The following OSBP2 variants were observed in gnomAD, a reference collection of about 807,000 sequenced individuals.
OSBP2 encodes the protein oxysterol binding protein 2.
In OSBP2, 66 loss-of-function variants were observed where a neutral mutation model predicts 96.0. That is an observed-to-expected ratio of 0.69 (90% confidence interval 0.56 to 0.84). The LOEUF (loss-of-function observed/expected upper bound fraction) is 0.84. Among genes scored for constraint, OSBP2 ranks in the 40% least tolerant of loss-of-function variants. The pLI is 0.00. For synonymous variants in OSBP2, 525 were observed against 520.9 expected (o/e 1.01, Z -0.11); for missense variants, 1,038 against 1,222.7 (o/e 0.85, Z 2.25).
At chr22:30,869,367 C>G (rs2039412743) in intron 2 of OSBP2, among the ~76,000 whole-genome samples, 1 of 152,250 alleles carries the variant, frequency 6.6e-6, no homozygotes, top group African/African-American at 2.4e-5. Context: ...AGTCCCTACC[C>G]TGCAAGGCCA....
chr22:30,901,802 T>A (rs1293900368), intron 12 of OSBP2, among the ~76,000 whole-genome samples: 4 of 151,966 alleles, frequency 2.6e-5, no homozygotes, highest in Non-Finnish European at 4.4e-5. Flanking sequence ...GAAGTGGAGG[T>A]TGCAGTGTCC....
intron 2 of OSBP2, among the ~76,000 whole-genome samples, chr22:30,843,074 G>T (rs561992907): frequency 6.6e-6 from 1 of 152,020 alleles, no homozygotes; most frequent in Non-Finnish European, 1.5e-5. Flanking sequence ...GTGAGCCACC[G>T]CACCCGGCCT....
At chr22:30,811,707 A>G (rs75671364) in intron 2 of OSBP2, among the ~76,000 whole-genome samples, 9,614 of 151,702 alleles carry the variant, frequency 0.063, 410 homozygotes, top group East Asian at 0.19. Flanking sequence ...GGCGCCCACC[A>G]CCACACCCGG....
intron 12 of OSBP2, among the ~76,000 whole-genome samples, chr22:30,900,581 AT>A (rs933865254): frequency 1.3e-5 from 2 of 152,074 alleles, no homozygotes; most frequent in Non-Finnish European, 1.5e-5. Context: ...CAGGATTTTT[AT>A]TTTGAAACTC....
At chr22:30,753,599 G>T (rs2090104180) in intron 2 of OSBP2, among the ~76,000 whole-genome samples, 1 of 152,144 alleles carries the variant, frequency 6.6e-6, no homozygotes, top group African/African-American at 2.4e-5. Context: ...CAGGCTCAGT[G>T]GCCAGAGTGT....
intron 1 of OSBP2, among the ~76,000 whole-genome samples, chr22:30,729,949 GT>G: frequency 6.6e-6 from 1 of 151,934 alleles, no homozygotes; most frequent in East Asian, 1.9e-4. Flanking sequence ...AAATTTCTGG[GT>G]TTTTTTGTTT....
At chr22:30,762,200 T>C (rs1309683596) in intron 2 of OSBP2, among the ~76,000 whole-genome samples, 2 of 149,160 alleles carry the variant, frequency 1.3e-5, no homozygotes, top group South Asian at 2.1e-4. Context: ...CCAGCCTGGG[T>C]GACAGAGTGA....
At chr22:30,901,460 T>C (rs1231054458) in intron 12 of OSBP2, among the ~76,000 whole-genome samples, 2 of 152,224 alleles carry the variant, frequency 1.3e-5, no homozygotes, top group Admixed American at 6.5e-5. Context: ...AAAACATATA[T>C]GGCCAGTCAT....
At chr22:30,715,316 G>C (rs184690649) in intron 1 of OSBP2, among the ~76,000 whole-genome samples, 1 of 150,208 alleles carries the variant, frequency 6.7e-6, no homozygotes, top group Non-Finnish European at 1.5e-5. Flanking sequence ...GGTATCTATT[G>C]TGGTTTTGAT....
intron 3 of OSBP2, among the ~76,000 whole-genome samples, chr22:30,880,045 G>A (rs1292546673): frequency 6.6e-6 from 1 of 151,262 alleles, no homozygotes; most frequent in Non-Finnish European, 1.5e-5. Flanking sequence ...GCAAGACTCT[G>A]TCTCAAAAAA....
intron 2 of OSBP2, chr22:30,822,498 C>T (rs973685262): frequency 2.6e-6 from 3 of 1,134,660 alleles, no homozygotes; most frequent in Non-Finnish European, 3.4e-6. Flanking sequence ...ATTGTGGTAA[C>T]GCGGCGCCGG....
chr22:30,739,892 T>G (rs1221416328), intron 1 of OSBP2, among the ~76,000 whole-genome samples: 2 of 152,004 alleles, frequency 1.3e-5, no homozygotes, highest in Non-Finnish European at 2.9e-5. Context: ...CAGGCTGGAG[T>G]GCAGTGGCGC....
At chr22:30,866,760 G>A (rs2039348498) in intron 2 of OSBP2, among the ~76,000 whole-genome samples, 1 of 151,860 alleles carries the variant, frequency 6.6e-6, no homozygotes, top group Non-Finnish European at 1.5e-5. Context: ...AAAAAAAAAT[G>A]TGTGTTGTTT....
Position 30,881,734 on chromosome 22 carries a change from AG to A in OSBP2, c.1108-5691del. 1 of 1,304,144 alleles carries A rather than the reference AG, an allele frequency of 7.7e-7. No individual in the cohort carries two copies. The highest frequency in any genetic ancestry group is 1.0e-6 in the Non-Finnish European group (1 of 988,890). 80.8% of individuals were successfully genotyped at this position (1,304,144 alleles called of 1,614,324 possible). Reference sequence around the variant, plus strand: ...AGGCGCCTGCCTCTCCCCACAGCACAGCCAGGATGGGGCCTGGAGAAGGCCG... The same window carrying A: ...AGGCGCCTGCCTCTCCCCACAGCACACCAGGATGGGGCCTGGAGAAGGCCG... On this transcript the variant is annotated intron_variant, in intron 3 of 13. Transcript: ENST00000332585. This position sits in a 1 kb window ranked among gnomAD's most constrained non-coding sequence, Gnocchi z 4.5.
intron 2 of OSBP2, among the ~76,000 whole-genome samples, chr22:30,856,373 CTTTTT>C (rs56875088): frequency 1.2e-4 from 12 of 101,422 alleles, no homozygotes; most frequent in South Asian, 3.2e-4. Context: ...CAGAGCCCTT[CTTTTT>C]TTTTTTTTTT....
At chr22:30,878,491 T>G (rs1026223727) in intron 3 of OSBP2, among the ~76,000 whole-genome samples, 1 of 152,160 alleles carries the variant, frequency 6.6e-6, no homozygotes, top group Non-Finnish European at 1.5e-5. Context: ...ATGGGGGCCT[T>G]GCTGTCTGAC....
In OSBP2 at chr22:30,890,938, C is replaced by G. The variant is rs758595430; in HGVS notation, c.1834C>G (p.Leu612Val). 2 of 1,611,224 alleles carry G rather than the reference C, an allele frequency of 1.2e-6. No individual in the cohort carries two copies. The highest frequency in any genetic ancestry group is 1.7e-6 in the Non-Finnish European group (2 of 1,180,010). The stretch of plus-strand genomic sequence containing the variant: ...GGGGGAGACCTTCGAGCTGGACCGC[C>G]TCGACGACATGGGCCTGCGCTCCCT... ...MLGETFELDR[L>V]DDMGLRSLCE... Residue 612 changes from leucine (L) to valine (V), a missense_variant, in exon 8 of 14, where the codon CTC (leucine) becomes GTC (valine). Leu to Val is a conservative substitution (Grantham distance 32). Coordinates refer to ENST00000332585, the MANE Select transcript of OSBP2 (RefSeq NM_030758.4). The surrounding 1 kb of genome is among the most constrained non-coding windows in gnomAD (Gnocchi z 4.4).
chr22:30,700,606 T>G (rs1377889148), intron 1 of OSBP2, among the ~76,000 whole-genome samples: 2 of 152,150 alleles, frequency 1.3e-5, no homozygotes, highest in East Asian at 3.9e-4. Flanking sequence ...AGTTGTCTGC[T>G]TGGTGACATT....
At chr22:30,746,525 T>C (rs2090003053) in intron 2 of OSBP2, among the ~76,000 whole-genome samples, 1 of 142,574 alleles carries the variant, frequency 7.0e-6, no homozygotes, top group Non-Finnish European at 1.5e-5. Flanking sequence ...GTTTCGCTCT[T>C]GTTGCCTAAA....
Sources: gnomAD v4.1 joint callset for allele counts (sites outside exome capture counted in the v4.1 genomes callset) on GRCh38, gnomAD v4.1.1 for gene constraint, Gnocchi (gnomAD v3.1) non-coding constraint, MANE v1.5 for transcripts, NCBI Gene and HGNC (gene_info 2026-07-23, HGNC 2026-07-21) for gene names.